SORCS1: variants seen among roughly 807,000 people sequenced by gnomAD.
SORCS1 encodes VPS10 domain-containing receptor SorCS1.
SORCS1 carries 60 observed loss-of-function variants against 146.1 expected under a neutral mutation model. That is an observed-to-expected ratio of 0.41 (90% confidence interval 0.33 to 0.51). SORCS1 has a LOEUF of 0.51. Ranked by LOEUF, SORCS1 falls within the 20% of genes least tolerant of loss-of-function variation. The pLI is 0.21. For synonymous variants in SORCS1, 637 were observed against 584.0 expected (o/e 1.09, Z -1.31); for missense variants, 1,352 against 1,487.6 (o/e 0.91, Z 1.50).
intron 1 of SORCS1, among the ~76,000 whole-genome samples, chr10:107,095,086 G>T (rs1291292766): frequency 1.3e-5 from 2 of 152,140 alleles, no homozygotes; most frequent in African/African-American, 2.4e-5. Context: ...AGCACTGGCT[G>T]GTCATTAAGT....
At chr10:106,765,380 T>TA (rs1859490837) in intron 4 of SORCS1, among the ~76,000 whole-genome samples, 1 of 152,134 alleles carries the variant, frequency 6.6e-6, no homozygotes, top group South Asian at 2.1e-4. Context: ...AGGGTTTTTT[T>TA]TTTTAAGACA....
chr10:106,591,372 C>T (rs1311986872), intron 24 of SORCS1, among the ~76,000 whole-genome samples: 1 of 151,950 alleles, frequency 6.6e-6, no homozygotes, highest in Non-Finnish European at 1.5e-5. Flanking sequence ...AAAAAAAATA[C>T]AAAGATTCCC....
At chr10:106,883,729 A>C (rs1950892302) in intron 2 of SORCS1, among the ~76,000 whole-genome samples, 1 of 152,108 alleles carries the variant, frequency 6.6e-6, no homozygotes, top group African/African-American at 2.4e-5. Context: ...TCTATTAACC[A>C]ATGGTCTTGG....
chr10:107,158,294 A>AT (rs1969446456), intron 1 of SORCS1, among the ~76,000 whole-genome samples: 2 of 152,284 alleles, frequency 1.3e-5, no homozygotes, highest in Non-Finnish European at 1.5e-5. Flanking sequence ...CTTAACTCAT[A>AT]TTTTTCAATC....
At chr10:106,991,905 T>G (rs1956786278) in intron 1 of SORCS1, among the ~76,000 whole-genome samples, 1 of 152,262 alleles carries the variant, frequency 6.6e-6, no homozygotes, top group Non-Finnish European at 1.5e-5. Context: ...ACATTTAGAA[T>G]CTGATTCTGA....
chr10:107,041,416 A>G (rs551702530), intron 1 of SORCS1, among the ~76,000 whole-genome samples: 8 of 152,114 alleles, frequency 5.3e-5, no homozygotes, highest in East Asian at 1.9e-4. Flanking sequence ...AAAAAAAAAA[A>G]AAAGAAAGAA....
At chr10:106,893,242 C>T (rs1304859836) in intron 2 of SORCS1, among the ~76,000 whole-genome samples, 1 of 152,206 alleles carries the variant, frequency 6.6e-6, no homozygotes, top group South Asian at 2.1e-4. Flanking sequence ...TATCATCACC[C>T]AAGCATAGGG....
At chr10:107,104,706 G>T (rs1479312642) in intron 1 of SORCS1, among the ~76,000 whole-genome samples, 1 of 152,228 alleles carries the variant, frequency 6.6e-6, no homozygotes, top group Non-Finnish European at 1.5e-5. Flanking sequence ...GTATGAAAGA[G>T]CTCCCTTTTT....
chr10:106,690,901 A>C (rs1458172547), intron 9 of SORCS1, among the ~76,000 whole-genome samples: 1 of 152,146 alleles, frequency 6.6e-6, no homozygotes, highest in Non-Finnish European at 1.5e-5. Context: ...AGGCACGCAC[A>C]AGCCACCTTC....
At chr10:106,967,985 A>C (rs1955581767) in intron 1 of SORCS1, among the ~76,000 whole-genome samples, 1 of 151,554 alleles carries the variant, frequency 6.6e-6, no homozygotes, top group Non-Finnish European at 1.5e-5. Flanking sequence ...CAGGCGGATC[A>C]TGAGGTCAGG....
chr10:107,135,661 G>A (rs144093052), intron 1 of SORCS1, among the ~76,000 whole-genome samples: 1,826 of 152,212 alleles, frequency 0.012, 42 homozygotes, highest in African/African-American at 0.041. Flanking sequence ...GATTAACACC[G>A]TATTGTCCAG....
Position 106,675,130 on chromosome 10 carries a change from C to T in SORCS1, c.1859G>A (p.Trp620Ter). Residue 620 changes from tryptophan to a stop codon, truncating the protein, a stop_gained, in exon 14 of 26, where the codon TGG becomes TAG. Coordinates refer to ENST00000263054, the MANE Select transcript of SORCS1 (RefSeq NM_052918.5). LOFTEE classifies it high-confidence loss of function. ...AATAGATGTGAAACTGTATTTGCTCCAAGATCTCCCTTCATCAAAACTCAA... is the reference window on the plus strand; with the variant it reads ...AATAGATGTGAAACTGTATTTGCTCTAAGATCTCCCTTCATCAAAACTCAA... ...LWLSFDEGRS[W>*]SKYSFTSIPL... 6.2e-7 allele frequency: 1 copy of T among 1,613,436 alleles called. No individual in the cohort carries two copies. The highest frequency in any genetic ancestry group is 8.5e-7 in the Non-Finnish European group (1 of 1,179,644).
At chr10:106,630,120 T>C (rs982838767) in intron 18 of SORCS1, among the ~76,000 whole-genome samples, 18 of 152,150 alleles carry the variant, frequency 1.2e-4, no homozygotes, top group African/African-American at 4.1e-4. Context: ...CCACTCCACT[T>C]CCTGTGTCTT....
intron 6 of SORCS1, among the ~76,000 whole-genome samples, chr10:106,724,991 T>G (rs1856045100): frequency 6.6e-6 from 1 of 151,370 alleles, no homozygotes; most frequent in African/African-American, 2.4e-5. Flanking sequence ...AATACAAAAA[T>G]CAGCCAGGTG....
chr10:106,617,787 T>G (rs1459294614), intron 21 of SORCS1, among the ~76,000 whole-genome samples: 4 of 139,308 alleles, frequency 2.9e-5, no homozygotes, highest in Admixed American at 2.8e-4. Flanking sequence ...AATTTTAAAG[T>G]TGAACTTAAA....
chr10:107,080,653 A>G (rs1963262190), intron 1 of SORCS1, among the ~76,000 whole-genome samples: 1 of 152,230 alleles, frequency 6.6e-6, no homozygotes, highest in African/African-American at 2.4e-5. Context: ...CACTTCCATC[A>G]GAGACATTTT....
chr10:106,590,794 A>G (rs1168604613), intron 24 of SORCS1, among the ~76,000 whole-genome samples: 2 of 152,172 alleles, frequency 1.3e-5, no homozygotes, highest in African/African-American at 4.8e-5. Flanking sequence ...AGCTGGGGCT[A>G]CAGGTGCACG....
At chr10:107,147,741 T>C (rs150765445) in intron 1 of SORCS1, among the ~76,000 whole-genome samples, 4 of 152,292 alleles carry the variant, frequency 2.6e-5, no homozygotes, top group African/African-American at 7.2e-5. Context: ...AAAATATGCT[T>C]ATTGCAAACC....
chr10:106,842,874 A>C (rs1040230132), intron 2 of SORCS1, among the ~76,000 whole-genome samples: 4 of 152,054 alleles, frequency 2.6e-5, no homozygotes, highest in Admixed American at 2.6e-4. Flanking sequence ...CAGCCTCCCA[A>C]AGTGCTGAGA....
Sources: allele counts gnomAD v4.1 joint callset (sites outside exome capture counted in the v4.1 genomes callset), GRCh38; gene constraint gnomAD v4.1.1; transcripts MANE v1.5; gene names NCBI Gene and HGNC (gene_info 2026-07-23, HGNC 2026-07-21).